MARCHF10: variants seen among roughly 807,000 people sequenced by gnomAD.
The protein encoded by MARCHF10 is probable E3 ubiquitin-protein ligase MARCHF10.
Under a neutral mutation model 76.2 loss-of-function variants are expected in MARCHF10, and 64 were observed. The ratio of observed to expected loss-of-function variants is 0.84; its 90% CI spans 0.69 to 1.03. The LOEUF is 1.03. MARCHF10 is among the 50% of genes least tolerant of loss of function. MARCHF10 has a pLI of 0.00. For missense variants in MARCHF10, 875 were observed against 958.0 expected (o/e 0.91, Z 1.14); for synonymous variants, 340 against 357.5 (o/e 0.95, Z 0.55).
At chr17:62,803,666 C>T (rs1354969949) in intron 1 of MARCHF10, among the ~76,000 whole-genome samples, 5 of 152,092 alleles carry the variant, frequency 3.3e-5, no homozygotes, top group Non-Finnish European at 4.4e-5. Flanking sequence ...ATTACAGGCA[C>T]GTGCCACCAC....
chr17:62,717,509 C>T (rs2090271904), intron 8 of MARCHF10, among the ~76,000 whole-genome samples: 1 of 152,280 alleles, frequency 6.6e-6, no homozygotes, highest in South Asian at 2.1e-4. Context: ...GGCCCCATGG[C>T]TTTCCCCAGC....
At chr17:62,701,869 G>T in intron 10 of MARCHF10, 111 bp from the exon 11 acceptor site, 2 of 1,413,992 alleles carry the variant, frequency 1.4e-6, no homozygotes, top group Non-Finnish European at 9.9e-7. Flanking sequence ...CTGAGGCCCA[G>T]CCACCCACAT....
chr17:62,762,164 T>C (rs1006007318), intron 3 of MARCHF10, among the ~76,000 whole-genome samples: 7 of 152,236 alleles, frequency 4.6e-5, no homozygotes, highest in African/African-American at 1.7e-4. Context: ...GAGACCTTTA[T>C]TGGTTGAGCT....
chr17:62,769,878 G>A (rs1255955226), intron 3 of MARCHF10, among the ~76,000 whole-genome samples: 36 of 152,092 alleles, frequency 2.4e-4, no homozygotes, highest in Non-Finnish European at 1.5e-5. Context: ...GTGAGTGGCA[G>A]TTCATTCAAG....
chr17:62,783,203 T>TTTTTG (rs2148082895), intron 3 of MARCHF10, among the ~76,000 whole-genome samples: 1 of 147,296 alleles, frequency 6.8e-6, no homozygotes, highest in African/African-American at 2.6e-5. Flanking sequence ...AGTTTTTTTT[T>TTTTTG]TTTTTTTTTT....
chr17:62,787,961 C>G (rs1273117976), intron 3 of MARCHF10, among the ~76,000 whole-genome samples: 1 of 152,002 alleles, frequency 6.6e-6, no homozygotes, highest in Non-Finnish European at 1.5e-5. Flanking sequence ...TCATTCTAAG[C>G]AAAAATATTT....
At position 62,720,860 on chromosome 17, in the gene MARCHF10, A is replaced by ATTTTTT. The variant is rs56688878; in HGVS notation, c.2214+1622_2214+1627dup. Among the ~76,000 whole-genome samples, 58 of 88,016 alleles carry ATTTTTT rather than the reference A, an allele frequency of 6.6e-4. 3 individuals carry two copies. The highest frequency in any genetic ancestry group is 1.5e-3 in the African/African-American group (34 of 22,382). 57.7% of individuals were successfully genotyped at this position (88,016 alleles called of 152,430 possible). A position where few individuals can be genotyped will look rare whatever the true frequency, so the allele number is the denominator to read the frequency against. ...GGAGTCTCTGCTCCGGTAAGTTGTG[A>ATTTTTT]TTTTTTTTTTTTTTTTTTTTTTTTT... On this transcript the variant is annotated intron_variant, in intron 8 of 10. Coordinates refer to ENST00000311269, the MANE Select transcript of MARCHF10 (RefSeq NM_152598.4).
chr17:62,786,898 G>C (rs746159467), intron 3 of MARCHF10, among the ~76,000 whole-genome samples: 1 of 152,134 alleles, frequency 6.6e-6, no homozygotes, highest in Non-Finnish European at 1.5e-5. Context: ...CACTTGTTTA[G>C]CAATTCCAAT....
At chr17:62,786,368 A>G (rs1398733462) in intron 3 of MARCHF10, among the ~76,000 whole-genome samples, 1 of 127,214 alleles carries the variant, frequency 7.9e-6, no homozygotes, top group Non-Finnish European at 1.6e-5. Context: ...AATATCACAC[A>G]CTGGGGCATG....
chr17:62,770,540 T>G (rs2092423226), intron 3 of MARCHF10, among the ~76,000 whole-genome samples: 1 of 139,348 alleles, frequency 7.2e-6, no homozygotes, highest in Admixed American at 7.9e-5. Context: ...TATTGTATTT[T>G]GACTTTTTTT....
chr17:62,761,103 A>C (rs887820229), intron 3 of MARCHF10, among the ~76,000 whole-genome samples: 1 of 152,220 alleles, frequency 6.6e-6, no homozygotes, highest in Non-Finnish European at 1.5e-5. Flanking sequence ...TGTAAGACAA[A>C]CTAAATTCTA....
intron 6 of MARCHF10, among the ~76,000 whole-genome samples, chr17:62,734,684 G>C (rs371611723): frequency 2.0e-5 from 3 of 152,102 alleles, no homozygotes; most frequent in Non-Finnish European, 4.4e-5. Context: ...TTTTAAATCT[G>C]TATTTTTAAT....
intron 5 of MARCHF10, among the ~76,000 whole-genome samples, chr17:62,740,808 T>C (rs1023604354): frequency 6.6e-6 from 1 of 152,156 alleles, no homozygotes. Flanking sequence ...AAAATTTTTT[T>C]CTAGAGATGG....
intron 6 of MARCHF10, among the ~76,000 whole-genome samples, chr17:62,731,016 A>AT (rs2091003187): frequency 6.6e-6 from 1 of 152,230 alleles, no homozygotes; most frequent in African/African-American, 2.4e-5. Context: ...AGCAAAGCCC[A>AT]TATTTCTAAC....
intron 3 of MARCHF10, among the ~76,000 whole-genome samples, chr17:62,782,832 G>A (rs545198191): frequency 6.6e-6 from 1 of 152,214 alleles, no homozygotes; most frequent in South Asian, 2.1e-4. Flanking sequence ...CGTTATGAGA[G>A]CACAAGTTGA....
intron 8 of MARCHF10, among the ~76,000 whole-genome samples, chr17:62,719,107 T>C (rs557797039): frequency 6.6e-6 from 1 of 152,336 alleles, no homozygotes; most frequent in South Asian, 2.1e-4. Flanking sequence ...TAAATATTAA[T>C]TGACTGCTTA....
intron 8 of MARCHF10, chr17:62,714,473 T>C (rs2090090315): frequency 1.0e-6 from 1 of 955,120 alleles, no homozygotes; most frequent in Admixed American, 6.2e-5. Flanking sequence ...CCAGGTAAAT[T>C]GTCTGGGCGT....
At chr17:62,750,737 A>C (rs1024709418) in intron 4 of MARCHF10, among the ~76,000 whole-genome samples, 1 of 152,160 alleles carries the variant, frequency 6.6e-6, no homozygotes, top group African/African-American at 2.4e-5. Flanking sequence ...CCAGCATCAC[A>C]CCCTGTTCCA....
At chr17:62,771,558 C>T (rs1238887959) in intron 3 of MARCHF10, among the ~76,000 whole-genome samples, 1 of 149,844 alleles carries the variant, frequency 6.7e-6, no homozygotes, top group Admixed American at 6.7e-5. Flanking sequence ...GGACTGAGCT[C>T]TGCTTGTCAA....
Sources: gnomAD v4.1 joint callset for allele counts (sites outside exome capture counted in the v4.1 genomes callset) on GRCh38, gnomAD v4.1.1 for gene constraint, MANE v1.5 for transcripts, NCBI Gene and HGNC (gene_info 2026-07-23, HGNC 2026-07-21) for gene names.